Variants in DPYSL3 observed in about 807,000 individuals in gnomAD.
DPYSL3 encodes dihydropyrimidinase like 3, also known as dihydropyrimidinase-related protein 3.
Under a neutral mutation model 66.1 loss-of-function variants are expected in DPYSL3, and 16 were observed. The ratio of observed to expected loss-of-function variants is 0.24; its 90% CI spans 0.16 to 0.37. DPYSL3 has a LOEUF of 0.37. DPYSL3 is among the 10% of genes least tolerant of loss of function. DPYSL3 has a pLI of 1.00. For synonymous variants in DPYSL3, 338 were observed against 345.1 expected, an observed-to-expected ratio of 0.98 and a Z score of 0.23; for missense variants, 738 against 916.2, an observed-to-expected ratio of 0.81 and a Z score of 2.51.
chr5:147,498,527 A>G (rs1753555907), intron 1 of DPYSL3, among the ~76,000 whole-genome samples: 1 of 152,134 alleles, frequency 6.6e-6, no homozygotes, highest in Non-Finnish European at 1.5e-5. Flanking sequence ...GTCTTCCACA[A>G]TGGCTGAACT....
rs1253597404 is a variant in DPYSL3, at chr5:147,399,247, T to C, written c.1458A>G (p.Thr486=). 1.9e-6 allele frequency: 3 copies of C among 1,613,854 alleles called. No homozygotes were observed. The highest frequency in any genetic ancestry group is 1.7e-6 in the Non-Finnish European group (2 of 1,179,946). ...CGAACTGGTTTTCGTCCATTTTCCC[T>C]GTGGCCTATTGAAATATAAGAAATT... ...MSVIWDKAVA[T]GKMDENQFVA... Residue 486 remains threonine (T), a synonymous_variant, in exon 11 of 14, where the codon ACA becomes ACG. Coordinates refer to ENST00000343218, the MANE Select transcript of DPYSL3 (RefSeq NM_001197294.2).
At chr5:147,482,913 G>C (rs550554704) in intron 1 of DPYSL3, among the ~76,000 whole-genome samples, 1 of 152,178 alleles carries the variant, frequency 6.6e-6, no homozygotes, top group Non-Finnish European at 1.5e-5. Context: ...GCAGAAAAAA[G>C]AAAGTGTGTG....
Position 147,395,692 on chromosome 5 carries a change from G to T in DPYSL3, c.1833C>A (p.Gly611=). 2 of 1,614,048 alleles carry T rather than the reference G, an allele frequency of 1.2e-6. No individual in the cohort carries two copies. The highest frequency in any genetic ancestry group is 1.7e-6 in the Non-Finnish European group (2 of 1,180,048). Residue 611 remains glycine, a synonymous_variant, in exon 13 of 14, where the codon GGC becomes GGA. Coordinates refer to ENST00000343218, the MANE Select transcript of DPYSL3 (RefSeq NM_001197294.2). ...KMADLHAVPR[G]MYDGPVFDLT... ...GGTCAAACACAGGCCCATCGTACATGCCCCTTGGGACGGCATGCAGGTCTG... is the reference window on the plus strand; with the variant it reads ...GGTCAAACACAGGCCCATCGTACATTCCCCTTGGGACGGCATGCAGGTCTG...
At chr5:147,467,012 C>T in intron 1 of DPYSL3, among the ~76,000 whole-genome samples, 1 of 152,152 alleles carries the variant, frequency 6.6e-6, no homozygotes, top group Non-Finnish European at 1.5e-5. Flanking sequence ...CACCTCTACA[C>T]ACTGATCCCA....
At chr5:147,409,014 G>A (rs576515699) in intron 6 of DPYSL3, among the ~76,000 whole-genome samples, 16 of 152,300 alleles carry the variant, frequency 1.1e-4, no homozygotes, top group East Asian at 9.6e-4. Context: ...AAGAAAGATA[G>A]TTGTCTGTTA....
At chr5:147,413,529 C>G in intron 5 of DPYSL3, 67 bp downstream of exon 5, 1 of 1,300,506 alleles carries the variant, frequency 7.7e-7, no homozygotes, top group South Asian at 1.2e-5. Context: ...TTACAAGGGC[C>G]AAGGTCATCA....
chr5:147,453,215 A>C (rs1581202709), intron 1 of DPYSL3, among the ~76,000 whole-genome samples: 1 of 152,094 alleles, frequency 6.6e-6, no homozygotes, highest in African/African-American at 2.4e-5. Flanking sequence ...GGCGGCAAAA[A>C]CCGACACTCC....
intron 1 of DPYSL3, among the ~76,000 whole-genome samples, chr5:147,484,493 C>T (rs1753298037): frequency 6.6e-6 from 1 of 152,226 alleles, no homozygotes; most frequent in African/African-American, 2.4e-5. Flanking sequence ...TCCTTAGAGA[C>T]AATGACTGGT....
intron 1 of DPYSL3, among the ~76,000 whole-genome samples, chr5:147,432,441 A>T (rs1321207363): frequency 2.0e-5 from 3 of 152,212 alleles, no homozygotes; most frequent in Non-Finnish European, 4.4e-5. Flanking sequence ...AGATGTCATT[A>T]TCAAAGGGCC....
At chr5:147,445,706 T>C (rs1011020923) in intron 1 of DPYSL3, among the ~76,000 whole-genome samples, 32 of 152,174 alleles carry the variant, frequency 2.1e-4, no homozygotes, top group African/African-American at 7.5e-4. Flanking sequence ...GGTGAGCAGA[T>C]ACAGACTCCG....
intron 1 of DPYSL3, among the ~76,000 whole-genome samples, chr5:147,482,695 CATA>C (rs1383748021): frequency 5.3e-5 from 8 of 152,144 alleles, no homozygotes; most frequent in Non-Finnish European, 1.2e-4. Flanking sequence ...TGAGCTTACG[CATA>C]AGATTACTTC....
Position 147,509,286 on chromosome 5 carries a change from A to C in DPYSL3, c.381+192T>G, listed in dbSNP as rs1412076295. ...TTCCGCGCTTGCACGAAGATGCTGC[A>C]AGTGGCGACACGCGCGAATCCAGGG... is the stretch of plus-strand genomic sequence containing the variant. On this transcript the variant is annotated intron_variant, in intron 1 of 13. Coordinates refer to ENST00000343218, the MANE Select transcript of DPYSL3 (RefSeq NM_001197294.2). The surrounding 1 kb of genome is among the most constrained non-coding windows in gnomAD (Gnocchi z 5.3). 6.6e-6 allele frequency among the ~76,000 whole-genome samples: 1 copy of C among 152,202 alleles called. No homozygotes were observed. The highest frequency in any genetic ancestry group is 1.5e-5 in the Non-Finnish European group (1 of 68,034).
At chr5:147,475,165 T>A (rs538652370) in intron 1 of DPYSL3, among the ~76,000 whole-genome samples, 5 of 152,176 alleles carry the variant, frequency 3.3e-5, no homozygotes, top group Admixed American at 2.6e-4. Flanking sequence ...TCATAGCAGG[T>A]CTATTCATAA....
At chr5:147,405,419 C>A (rs1262868644) in intron 8 of DPYSL3, among the ~76,000 whole-genome samples, 191 bp downstream of exon 8, 1 of 152,214 alleles carries the variant, frequency 6.6e-6, no homozygotes, top group East Asian at 1.9e-4. Flanking sequence ...CCTTCCTGAG[C>A]CTCAGTTTAC....
intron 1 of DPYSL3, among the ~76,000 whole-genome samples, chr5:147,451,735 T>C (rs190657987): frequency 2.6e-5 from 4 of 152,312 alleles, no homozygotes; most frequent in East Asian, 1.9e-4. Context: ...ACCTCCAGCA[T>C]AGAATAGCAT....
At position 147,509,373 on chromosome 5, in the gene DPYSL3, C is replaced by G; in HGVS notation, c.381+105G>C. On this transcript the variant is annotated intron_variant, in intron 1 of 13. Transcript: ENST00000343218. This position sits in a 1 kb window ranked among gnomAD's most constrained non-coding sequence, Gnocchi z 5.3. ...TGACCCTTTCCTCCTCCTTGTCCCCCAGCCCCGTGCAAAGTGAGCTGGAGA... is the reference window on the plus strand; with the variant it reads ...TGACCCTTTCCTCCTCCTTGTCCCCGAGCCCCGTGCAAAGTGAGCTGGAGA... The G allele has an allele frequency of 2.3e-5, 32 of 1,386,408 alleles. No individual in the cohort carries two copies. Among genetic ancestry groups the G allele is most frequent in the Non-Finnish European group, 3.0e-5 (32 of 1,054,184 alleles). 85.9% of individuals were successfully genotyped at this position (1,386,408 alleles called of 1,614,324 possible).
At chr5:147,472,311 A>G (rs578110833) in intron 1 of DPYSL3, among the ~76,000 whole-genome samples, 4 of 152,328 alleles carry the variant, frequency 2.6e-5, no homozygotes, top group African/African-American at 9.6e-5. Context: ...TGAACCAGAA[A>G]TAATTACTAT....
chr5:147,397,875 A>G (rs1758041740), intron 11 of DPYSL3, 30 bp from the exon 12 acceptor site: 3 of 1,556,690 alleles, frequency 1.9e-6, no homozygotes, highest in Non-Finnish European at 2.6e-6. Flanking sequence ...GCAAAGCCAC[A>G]GTAAGGGTAG....
intron 1 of DPYSL3, among the ~76,000 whole-genome samples, chr5:147,463,242 T>C (rs1752961412): frequency 6.6e-6 from 1 of 151,934 alleles, no homozygotes. Context: ...GCCATCTTGG[T>C]GAGTAGAGCA....
Sources: allele counts gnomAD v4.1 joint callset (sites outside exome capture counted in the v4.1 genomes callset), GRCh38; gene constraint gnomAD v4.1.1; non-coding constraint Gnocchi (gnomAD v3.1); transcripts MANE v1.5; gene names NCBI Gene and HGNC (gene_info 2026-07-23, HGNC 2026-07-21).